KLF12: variants seen among roughly 807,000 people sequenced by gnomAD.
KLF12 encodes Krueppel-like factor 12.
A neutral mutation model predicts 37.8 loss-of-function variants in KLF12; 9 were observed. That is an observed-to-expected ratio of 0.24 (90% CI 0.14 to 0.42). The LOEUF (loss-of-function observed/expected upper bound fraction) is 0.42, where lower values mean the gene tolerates loss of function less well. Ranked by LOEUF, KLF12 falls within the 10% of genes least tolerant of loss-of-function variation. KLF12 has a pLI of 1.00. For missense variants in KLF12, 411 were observed against 516.0 expected, an observed-to-expected ratio of 0.80 and a Z score of 1.97; for synonymous variants, 208 against 202.1, an observed-to-expected ratio of 1.03 and a Z score of -0.25.
chr13:73,793,395 A>ATTTTT (rs1194539438), intron 5 of KLF12, among the ~76,000 whole-genome samples: 14 of 152,336 alleles, frequency 9.2e-5, no homozygotes, highest in African/African-American at 3.4e-4. Flanking sequence ...AAATTCATTA[A>ATTTTT]AATGATCCCC....
intron 7 of KLF12, among the ~76,000 whole-genome samples, chr13:73,706,542 T>C (rs187589814): frequency 1.6e-4 from 24 of 152,336 alleles, no homozygotes; most frequent in Admixed American, 5.2e-4. Context: ...CTCTTCCCCA[T>C]TGATGAAAAT....
chr13:73,772,558 A>G (rs576091785), intron 5 of KLF12, among the ~76,000 whole-genome samples: 1 of 152,330 alleles, frequency 6.6e-6, no homozygotes, highest in East Asian at 1.9e-4. Flanking sequence ...AAAAAGCACC[A>G]AAGGGTAGGA....
chr13:73,803,160 A>G (rs1225954485), intron 5 of KLF12, among the ~76,000 whole-genome samples: 3 of 152,236 alleles, frequency 2.0e-5, no homozygotes, highest in African/African-American at 7.2e-5. Context: ...GCATGAGTAG[A>G]TAAAGAGATT....
intron 3 of KLF12, among the ~76,000 whole-genome samples, chr13:73,930,115 A>G (rs1197428045): frequency 1.3e-5 from 2 of 152,214 alleles, no homozygotes; most frequent in African/African-American, 2.4e-5. Context: ...ACTCTGTCCA[A>G]TAAAGGCCAT....
chr13:74,019,687 A>G lies in KLF12; in HGVS notation c.-31-24634T>C, dbSNP rs142348866. Among the ~76,000 whole-genome samples, 1,176 of 152,318 alleles carry G rather than the reference A, an allele frequency of 7.7e-3. 4 individuals are homozygous for G. Among genetic ancestry groups the G allele is most frequent in the Non-Finnish European group, 0.013 (892 of 68,024 alleles). ...CTTTTTCTTGTGGAAAATGCTCCCA[A>G]TTTTAACGTTTTTAAGAGAATAAAA... On this transcript the variant is annotated intron_variant, in intron 1 of 7. Coordinates refer to ENST00000377669, the MANE Select transcript of KLF12 (RefSeq NM_007249.5).
At chr13:73,904,625 T>C (rs1279209227) in intron 3 of KLF12, among the ~76,000 whole-genome samples, 4 of 152,160 alleles carry the variant, frequency 2.6e-5, no homozygotes, top group African/African-American at 4.8e-5. Flanking sequence ...TGATAATCTT[T>C]AAAATTAGCA....
At chr13:73,765,225 G>C (rs1372945954) in intron 5 of KLF12, among the ~76,000 whole-genome samples, 1 of 152,012 alleles carries the variant, frequency 6.6e-6, no homozygotes, top group Non-Finnish European at 1.5e-5. Context: ...CTGTCATAAT[G>C]TTCACTCTGA....
chr13:73,955,929 C>A (rs1890817669), intron 2 of KLF12, among the ~76,000 whole-genome samples: 1 of 152,198 alleles, frequency 6.6e-6, no homozygotes, highest in Admixed American at 6.5e-5. Context: ...TGTTCTTTCC[C>A]CACCTCCGCT....
chr13:73,777,702 C>G (rs1266599311), intron 5 of KLF12, among the ~76,000 whole-genome samples: 1 of 149,234 alleles, frequency 6.7e-6, no homozygotes. Flanking sequence ...GAATGAAACT[C>G]CATTTCAAAA....
the KLF12 span, among the ~76,000 whole-genome samples, chr13:74,155,513 C>A: frequency 6.6e-6 from 1 of 152,098 alleles, no homozygotes; most frequent in African/African-American, 2.4e-5. Flanking sequence ...AAGCACCCGC[C>A]ACCATGCCTG....
chr13:74,069,790 G>C (rs977165930), intron 1 of KLF12, among the ~76,000 whole-genome samples: 11 of 152,142 alleles, frequency 7.2e-5, no homozygotes, highest in African/African-American at 2.2e-4. Flanking sequence ...CATGAGACGT[G>C]AAAAGAGTGA....
chr13:74,003,364 A>C (rs1313617350), intron 1 of KLF12, among the ~76,000 whole-genome samples: 1 of 152,186 alleles, frequency 6.6e-6, no homozygotes, highest in Non-Finnish European at 1.5e-5. Flanking sequence ...ACTTACAAAG[A>C]ATATATGTAG....
At chr13:73,731,113 C>A (rs922766507) in intron 6 of KLF12, among the ~76,000 whole-genome samples, 1 of 152,004 alleles carries the variant, frequency 6.6e-6, no homozygotes. Flanking sequence ...CAGAGGGGAC[C>A]AATTCCAAGG....
chr13:74,201,244 A>T, the KLF12 span, among the ~76,000 whole-genome samples: 28 of 152,104 alleles, frequency 1.8e-4, no homozygotes, highest in African/African-American at 6.0e-4. Context: ...TTTTTTCCAC[A>T]TTGGCCATGT....
At chr13:73,917,590 C>T (rs1888907992) in intron 3 of KLF12, among the ~76,000 whole-genome samples, 1 of 152,196 alleles carries the variant, frequency 6.6e-6, no homozygotes, top group African/African-American at 2.4e-5. Context: ...CCCTGACTGG[C>T]AGATCATTCT....
chr13:74,223,169 G>A, the KLF12 span, among the ~76,000 whole-genome samples: 59 of 152,196 alleles, frequency 3.9e-4, no homozygotes, highest in Admixed American at 3.7e-3. Flanking sequence ...GGAAAACGGG[G>A]AGGAAGGGTA....
At chr13:73,747,036 C>T (rs1443583164) in intron 6 of KLF12, among the ~76,000 whole-genome samples, 3 of 151,918 alleles carry the variant, frequency 2.0e-5, no homozygotes, top group Admixed American at 1.3e-4. Context: ...AGGCTGGTCT[C>T]GAACTCCTGA....
chr13:73,771,257 G>A (rs1880248841), intron 5 of KLF12, among the ~76,000 whole-genome samples: 1 of 152,158 alleles, frequency 6.6e-6, no homozygotes, highest in Non-Finnish European at 1.5e-5. Flanking sequence ...GCATATTCCA[G>A]GGGACAAGGG....
intron 2 of KLF12, among the ~76,000 whole-genome samples, chr13:73,970,288 T>C (rs1454697306): frequency 6.6e-6 from 1 of 152,084 alleles, no homozygotes; most frequent in Non-Finnish European, 1.5e-5. Flanking sequence ...TATTTATTAT[T>C]AACCTAATGA....
Sources: gnomAD v4.1 joint callset for allele counts (sites outside exome capture counted in the v4.1 genomes callset) on GRCh38, gnomAD v4.1.1 for gene constraint, MANE v1.5 for transcripts, NCBI Gene and HGNC (gene_info 2026-07-23, HGNC 2026-07-21) for gene names.